EXOC4: variants seen among roughly 807,000 people sequenced by gnomAD.
EXOC4 encodes SEC8-like 1.
EXOC4 carries 71 observed loss-of-function variants against 107.2 expected under a neutral mutation model. That is an observed-to-expected ratio of 0.66 (90% CI 0.55 to 0.81). EXOC4 has a LOEUF of 0.81. EXOC4 is among the 30% of genes least tolerant of loss of function. The pLI, the probability that EXOC4 is intolerant of heterozygous loss-of-function variation, is 0.00. For missense variants in EXOC4, 1,108 were observed against 1,189.6 expected, an observed-to-expected ratio of 0.93 and a Z score of 1.01; for synonymous variants, 456 against 441.2, an observed-to-expected ratio of 1.03 and a Z score of -0.42.
intron 9 of EXOC4, among the ~76,000 whole-genome samples, chr7:133,488,712 T>C (rs959376104): frequency 1.3e-5 from 2 of 152,032 alleles, no homozygotes; most frequent in South Asian, 4.1e-4. Flanking sequence ...ATTGTTTTAG[T>C]AGCAAAAACC....
intron 9 of EXOC4, among the ~76,000 whole-genome samples, chr7:133,577,803 G>A (rs1363984031): frequency 6.6e-6 from 1 of 152,180 alleles, no homozygotes; most frequent in Non-Finnish European, 1.5e-5. Flanking sequence ...TATTAACTGA[G>A]TGAATGAAGC....
chr7:133,706,678 A>G (rs949620862), intron 10 of EXOC4, among the ~76,000 whole-genome samples: 4 of 152,214 alleles, frequency 2.6e-5, no homozygotes, highest in Non-Finnish European at 5.9e-5. Context: ...TCTTTTTTTC[A>G]TATCAGGTCT....
At chr7:133,917,300 C>A (rs1294595920) in intron 12 of EXOC4, among the ~76,000 whole-genome samples, 1 of 152,140 alleles carries the variant, frequency 6.6e-6, no homozygotes, top group Non-Finnish European at 1.5e-5. Context: ...ATACCATATG[C>A]TTTTATTTAT....
At chr7:133,547,036 T>C in intron 9 of EXOC4, among the ~76,000 whole-genome samples, 1 of 152,214 alleles carries the variant, frequency 6.6e-6, no homozygotes, top group East Asian at 1.9e-4. Flanking sequence ...TATTCATTAA[T>C]CATTCTCTTT....
intron 2 of EXOC4, among the ~76,000 whole-genome samples, chr7:133,283,746 T>C (rs1197040166): frequency 6.6e-6 from 1 of 152,188 alleles, no homozygotes; most frequent in Non-Finnish European, 1.5e-5. Flanking sequence ...CTCCTGCCTT[T>C]TTGCGGTCAG....
chr7:133,418,098 A>T (rs1310489433), intron 7 of EXOC4, among the ~76,000 whole-genome samples: 1 of 152,226 alleles, frequency 6.6e-6, no homozygotes, highest in Non-Finnish European at 1.5e-5. Flanking sequence ...AGATAATGTC[A>T]TCAAACATGT....
chr7:133,398,714 A>G (rs190826717), intron 7 of EXOC4, among the ~76,000 whole-genome samples: 1 of 152,280 alleles, frequency 6.6e-6, no homozygotes, highest in African/African-American at 2.4e-5. Flanking sequence ...CATAAGTTCC[A>G]CATTCTCAAC....
At chr7:133,702,903 A>G (rs1794696389) in intron 10 of EXOC4, among the ~76,000 whole-genome samples, 1 of 152,216 alleles carries the variant, frequency 6.6e-6, no homozygotes, top group Non-Finnish European at 1.5e-5. Context: ...AGTGTTAACA[A>G]TGCCATCTTT....
chr7:133,470,940 C>T (rs1055076880), intron 7 of EXOC4, among the ~76,000 whole-genome samples: 7 of 152,050 alleles, frequency 4.6e-5, no homozygotes, highest in African/African-American at 1.7e-4. Context: ...AGAATATATA[C>T]AATTTGGAAG....
chr7:133,662,860 T>C (rs1007846022), intron 10 of EXOC4, among the ~76,000 whole-genome samples: 2 of 152,202 alleles, frequency 1.3e-5, no homozygotes, highest in East Asian at 3.9e-4. Context: ...TAGTGGACTC[T>C]CTTGAAAGTG....
intron 6 of EXOC4, 86 bp from the exon 7 acceptor site, chr7:133,374,735 TACTTTAG>T: frequency 1.0e-6 from 1 of 976,352 alleles, no homozygotes; most frequent in Non-Finnish European, 1.5e-6. Context: ...TGTAGAATGC[TACTTTAG>T]TTTGATGTTT....
chr7:133,651,123 C>T (rs1007797583), intron 10 of EXOC4, among the ~76,000 whole-genome samples: 2 of 151,822 alleles, frequency 1.3e-5, no homozygotes, highest in Non-Finnish European at 2.9e-5. Flanking sequence ...CAGTTTCTGT[C>T]GAAATAAGAC....
At chr7:133,383,937 T>C (rs1256503754) in intron 7 of EXOC4, among the ~76,000 whole-genome samples, 1 of 152,156 alleles carries the variant, frequency 6.6e-6, no homozygotes, top group East Asian at 1.9e-4. Context: ...CGTCAGTGGA[T>C]AATATGCTGC....
At chr7:133,880,936 C>T (rs1034455189) in intron 11 of EXOC4, among the ~76,000 whole-genome samples, 4 of 151,984 alleles carry the variant, frequency 2.6e-5, no homozygotes, top group Non-Finnish European at 5.9e-5. Flanking sequence ...TAAAATTTGA[C>T]CTCATATTTT....
intron 8 of EXOC4, among the ~76,000 whole-genome samples, chr7:133,476,259 A>G (rs1799010132): frequency 6.6e-6 from 1 of 152,174 alleles, no homozygotes; most frequent in African/African-American, 2.4e-5. Context: ...CAAGGGTTGT[A>G]TTTTTAATAC....
chr7:134,016,210 G>C (rs1220864509), intron 17 of EXOC4, among the ~76,000 whole-genome samples: 2 of 152,144 alleles, frequency 1.3e-5, no homozygotes, highest in Non-Finnish European at 2.9e-5. Context: ...CATGCAACTG[G>C]ATATGTAAAC....
At chr7:133,538,028 A>G (rs898653545) in intron 9 of EXOC4, among the ~76,000 whole-genome samples, 12 of 152,166 alleles carry the variant, frequency 7.9e-5, no homozygotes, top group South Asian at 2.1e-4. Flanking sequence ...ACTGACAGGT[A>G]TCTGAGGCCA....
At chr7:133,627,118 G>C (rs1202854788) in intron 9 of EXOC4, among the ~76,000 whole-genome samples, 1 of 152,158 alleles carries the variant, frequency 6.6e-6, no homozygotes, top group Non-Finnish European at 1.5e-5. Context: ...CATAGTAACA[G>C]AAGTGACTTG....
At chr7:134,061,381 A>G (rs28372618) in intron 17 of EXOC4, among the ~76,000 whole-genome samples, 6,061 of 152,240 alleles carry the variant, frequency 0.04, 334 homozygotes, top group African/African-American at 0.13. Context: ...TCCTTGGTTG[A>G]AGGAGACAGT....
Sources: gnomAD v4.1 joint callset for allele counts (sites outside exome capture counted in the v4.1 genomes callset) on GRCh38, gnomAD v4.1.1 for gene constraint, MANE v1.5 for transcripts, NCBI Gene and HGNC (gene_info 2026-07-23, HGNC 2026-07-21) for gene names.